DENND4C: variants seen among roughly 807,000 people sequenced by gnomAD.
The protein encoded by DENND4C is DENN domain containing 4C, also known as DENN domain-containing protein 4C.
DENND4C carries 108 observed loss-of-function variants against 203.0 expected under a neutral mutation model. That is an observed-to-expected ratio of 0.53 (90% CI 0.46 to 0.62). The LOEUF is 0.62. Among genes scored for constraint, DENND4C ranks in the 20% least tolerant of loss-of-function variants. The pLI is 0.00. For synonymous variants in DENND4C, 871 were observed against 792.4 expected (o/e 1.10, Z -1.67); for missense variants, 2,481 against 2,301.2 (o/e 1.08, Z -1.60).
At position 19,296,206 on chromosome 9, in the gene DENND4C, A is replaced by G; in HGVS notation, c.1000A>G (p.Lys334Glu). The change falls in exon 6 of 33, where the codon AAA (lysine) becomes GAA (glutamate). Residue 334 changes from lysine to glutamate, a missense_variant. Physicochemically the swap from Lys to Glu is moderately conservative, Grantham distance 56. This residue lies in a region of DENND4C where 2,289 missense variants were observed against 2,113.3 expected (regional missense o/e 1.08). Coordinates refer to ENST00000434457, the MANE Select transcript of DENND4C (RefSeq NM_001330640.2). ...AFRKFLMFIY[K>E]LSVSGPHPLP... Reference sequence around the variant, plus strand: ...TAGGAAATTTCTTATGTTTATCTACAAACTTTCTGTGTCTGGACCACATCC... The same window carrying G: ...TAGGAAATTTCTTATGTTTATCTACGAACTTTCTGTGTCTGGACCACATCC... 6.2e-7 allele frequency: 1 copy of G among 1,613,636 alleles called. No individual in the cohort carries two copies. The highest frequency in any genetic ancestry group is 8.5e-7 in the Non-Finnish European group (1 of 1,179,648).
At chr9:19,317,658 C>T (rs748298605) in intron 12 of DENND4C, among the ~76,000 whole-genome samples, 3 of 152,042 alleles carry the variant, frequency 2.0e-5, no homozygotes, top group African/African-American at 7.2e-5. Context: ...TATTTAGTTA[C>T]TACTTACTGG....
intron 9 of DENND4C, among the ~76,000 whole-genome samples, chr9:19,302,065 T>G (rs1484550990): frequency 6.6e-6 from 1 of 152,162 alleles, no homozygotes; most frequent in East Asian, 1.9e-4. Flanking sequence ...CTGAAAAAAG[T>G]GCTACATGGA....
Position 19,247,181 on chromosome 9 carries a change from G to A in DENND4C, c.-18+16348G>A, listed in dbSNP as rs556063325. Among the ~76,000 whole-genome samples the A allele has an allele frequency of 4.5e-4, 68 of 152,112 alleles. No homozygotes were observed. In the South Asian group the frequency reaches 0.012, roughly 27 times the overall value. ...TCCTAATTTATGGCAGCTCCTTCTC[G>A]GTCTTATTTTCTAGCTTCTCTTTCC... On this transcript the variant is annotated intron_variant, in intron 1 of 32. Coordinates refer to ENST00000434457, the MANE Select transcript of DENND4C (RefSeq NM_001330640.2).
At chr9:19,336,137 A>T in intron 18 of DENND4C, 133 bp from the exon 19 acceptor site, 1 of 731,572 alleles carries the variant, frequency 1.4e-6, no homozygotes, top group South Asian at 3.8e-5. Context: ...ATTTTTTAAT[A>T]TACCTCTTGG....
At chr9:19,360,893 A>C (rs67579311) in intron 29 of DENND4C, among the ~76,000 whole-genome samples, 19,166 of 152,180 alleles carry the variant, frequency 0.13, 1,486 homozygotes, top group African/African-American at 0.2. Flanking sequence ...ATCTGTCTGC[A>C]AGGGTAGCTA....
At chr9:19,308,418 TAG>T (rs1177656357) in intron 10 of DENND4C, among the ~76,000 whole-genome samples, 1 of 152,254 alleles carries the variant, frequency 6.6e-6, no homozygotes, top group African/African-American at 2.4e-5. Flanking sequence ...CCTTTATTAG[TAG>T]CAAATGGAGG....
chr9:19,275,288 T>TC lies in DENND4C; in HGVS notation c.-17-870_-17-869insC, dbSNP rs1832661729. On this transcript the variant is annotated intron_variant, in intron 1 of 32. Coordinates refer to ENST00000434457, the MANE Select transcript of DENND4C (RefSeq NM_001330640.2). ...CCACCAGGCCCGGCCTTTTTTTTTTTTTTCTTTCTCTTTTTTTTTTTTGAG... is the reference window on the plus strand; with the variant it reads ...CCACCAGGCCCGGCCTTTTTTTTTTTCTTTCTTTCTCTTTTTTTTTTTTGAG... 3.5e-5 allele frequency among the ~76,000 whole-genome samples: 4 copies of TC among 114,666 alleles called. No homozygotes were observed. The South Asian group carries it at 1.4e-3, about 39-fold the overall frequency. The allele number at this position is 114,666 out of a possible 152,430, so 75.2% of individuals were successfully genotyped here. A position where few individuals can be genotyped will look rare whatever the true frequency, so the allele number is the denominator to read the frequency against.
At chr9:19,296,937 A>G (rs1563775244) in intron 6 of DENND4C, among the ~76,000 whole-genome samples, 1 of 152,290 alleles carries the variant, frequency 6.6e-6, no homozygotes, top group East Asian at 1.9e-4. Context: ...TTAAAAGTGG[A>G]GTTTTGGTTT....
intron 1 of DENND4C, among the ~76,000 whole-genome samples, chr9:19,273,180 T>A (rs1349496422): frequency 6.6e-6 from 1 of 151,782 alleles, no homozygotes; most frequent in African/African-American, 2.4e-5. Flanking sequence ...CTCAATCTCC[T>A]GACCTCGTGA....
intron 1 of DENND4C, among the ~76,000 whole-genome samples, chr9:19,270,974 C>T (rs1831527134): frequency 6.6e-6 from 1 of 152,110 alleles, no homozygotes. Flanking sequence ...ATGCCATTCA[C>T]AGTAGCATCT....
intron 8 of DENND4C, 111 bp downstream of exon 8, chr9:19,299,398 A>C (rs1366402721): frequency 6.8e-6 from 5 of 739,790 alleles, no homozygotes; most frequent in Non-Finnish European, 9.8e-6. Flanking sequence ...TTTTACAATT[A>C]ACTTTATTAG....
intron 26 of DENND4C, among the ~76,000 whole-genome samples, chr9:19,354,207 A>G (rs1264661223): frequency 5.3e-5 from 8 of 152,162 alleles, no homozygotes; most frequent in Non-Finnish European, 7.3e-5. Flanking sequence ...CTTATCCATT[A>G]TTCTAGTGTT....
chr9:19,280,697 CT>C (rs35432447), intron 2 of DENND4C, among the ~76,000 whole-genome samples: 16 of 148,148 alleles, frequency 1.1e-4, no homozygotes, highest in Admixed American at 2.0e-4. Context: ...TTTTAGGCAT[CT>C]TTTTTTTTTA....
chr9:19,246,339 C>T (rs980960690), intron 1 of DENND4C, among the ~76,000 whole-genome samples: 10 of 152,124 alleles, frequency 6.6e-5, no homozygotes, highest in Admixed American at 5.9e-4. Context: ...ATCTATTGTG[C>T]CTACACCATT....
chr9:19,272,102 G>C (rs534940149), intron 1 of DENND4C, among the ~76,000 whole-genome samples: 2 of 151,930 alleles, frequency 1.3e-5, no homozygotes, highest in African/African-American at 4.8e-5. Context: ...AGAAAGGATA[G>C]TATTTTTTTT....
chr9:19,282,084 G>A (rs1435978500), intron 2 of DENND4C, among the ~76,000 whole-genome samples: 1 of 151,744 alleles, frequency 6.6e-6, no homozygotes, highest in Non-Finnish European at 1.5e-5. Context: ...CTTTATTATA[G>A]CCTTTTTACT....
chr9:19,338,529 G>T (rs573021785), intron 20 of DENND4C, among the ~76,000 whole-genome samples: 2 of 152,166 alleles, frequency 1.3e-5, no homozygotes, highest in Non-Finnish European at 2.9e-5. Flanking sequence ...TGAATTTGCA[G>T]TGATGGTGTG....
At chr9:19,310,793 AG>A (rs1365916149) in intron 10 of DENND4C, among the ~76,000 whole-genome samples, 1 of 152,128 alleles carries the variant, frequency 6.6e-6, no homozygotes, top group East Asian at 1.9e-4. Flanking sequence ...CTGATGTGAA[AG>A]GAAAAAAAAA....
At chr9:19,262,091 T>G (rs1274512427) in intron 1 of DENND4C, among the ~76,000 whole-genome samples, 1 of 122,286 alleles carries the variant, frequency 8.2e-6, no homozygotes, top group East Asian at 2.1e-4. Flanking sequence ...TTTTTTTTTT[T>G]TTTTTTTTTT....
Sources: gnomAD v4.1 joint callset for allele counts (sites outside exome capture counted in the v4.1 genomes callset) on GRCh38, gnomAD v4.1.1 for gene constraint, gnomAD v4.1.1 regional missense constraint, MANE v1.5 for transcripts, NCBI Gene and HGNC (gene_info 2026-07-23, HGNC 2026-07-21) for gene names.